Variants in SLX4 observed in about 807,000 individuals in gnomAD.
The protein encoded by SLX4 is structure-specific endonuclease subunit SLX4.
In SLX4, 112 loss-of-function variants were observed where a neutral mutation model predicts 146.2. The observed-to-expected ratio is 0.77, with a 90% CI of 0.66 to 0.90. SLX4 has a LOEUF of 0.90. Ranked by LOEUF, SLX4 falls within the 40% of genes least tolerant of loss-of-function variation. The pLI is 0.00. For missense variants in SLX4, 2,563 were observed against 2,392.7 expected (o/e 1.07, Z -1.49); for synonymous variants, 1,061 against 997.7 (o/e 1.06, Z -1.20).
intron 13 of SLX4, among the ~76,000 whole-genome samples, chr16:3,584,183 G>C (rs2040478649): frequency 6.6e-6 from 1 of 152,178 alleles, no homozygotes; most frequent in Non-Finnish European, 1.5e-5. Context: ...AGCATTTTGG[G>C]AAGCCGAGGC....
At chr16:3,584,709 C>A in intron 13 of SLX4, 60 bp downstream of exon 13, 1 of 1,331,734 alleles carries the variant, frequency 7.5e-7, no homozygotes, top group Non-Finnish European at 1.1e-6. Flanking sequence ...GTGTGTGAAA[C>A]CCAGTTACTT....
Position 3,582,459 on chromosome 16 carries a change from C to T in SLX4, c.5388G>A (p.Arg1796=), listed in dbSNP as rs201687045. The T allele has an allele frequency of 1.9e-6, 3 of 1,613,910 alleles. No homozygotes were observed. Among genetic ancestry groups the T allele is most frequent in the African/African-American group, 1.3e-5 (1 of 74,956 alleles). ...AGTGGGTGTCCAGGAAGTCCAACAG[C>T]CTGCGCGAGGACACACGGAGGCCGT... is the stretch of plus-strand genomic sequence containing the variant. ...RQNGLRVSSR[R]LLDFLDTHCI... The change falls in exon 15 of 15, where the codon AGG becomes AGA. Residue 1796 remains arginine, a synonymous_variant. Transcript: ENST00000294008.
At chr16:3,586,446 G>A (rs2040509450) in intron 12 of SLX4, among the ~76,000 whole-genome samples, 1 of 151,996 alleles carries the variant, frequency 6.6e-6, no homozygotes, top group Admixed American at 6.6e-5. Flanking sequence ...ACTTGAGCCT[G>A]GGAGGTCGAG....
Position 3,608,737 on chromosome 16 carries a change from T to G in SLX4, c.228A>C (p.Thr76=). 1 of 1,614,254 alleles carries G rather than the reference T, an allele frequency of 6.2e-7. No individual in the cohort carries two copies. The highest frequency in any genetic ancestry group is 8.5e-7 in the Non-Finnish European group (1 of 1,180,038). ...GAGTGCCGTTTGAGGCAGCCTTTTG[T>G]GTCTTCCTTTCTCCTGACACTTCCT... is the stretch of plus-strand genomic sequence containing the variant. ...GIKEVSGERK[T]QKAASNGTQI... The change falls in exon 2 of 15, where the codon ACA becomes ACC. Residue 76 remains threonine, a synonymous_variant. Coordinates refer to ENST00000294008, the MANE Select transcript of SLX4 (RefSeq NM_032444.4).
Position 3,609,017 on chromosome 16 carries a change from A to G in SLX4, c.-53T>C. 6.3e-7 allele frequency: 1 copy of G among 1,579,094 alleles called. No homozygotes were observed. Among genetic ancestry groups the G allele is most frequent in the Non-Finnish European group, 8.6e-7 (1 of 1,161,342 alleles). ...ATACTTGGAGAGTTTGCACAATTGA[A>G]CAAAAAGTACTGTTTTCCTCTCTAT... On this transcript the variant is annotated 5_prime_UTR_variant, in exon 2 of 15. Coordinates refer to ENST00000294008, the MANE Select transcript of SLX4 (RefSeq NM_032444.4).
intron 5 of SLX4, among the ~76,000 whole-genome samples, chr16:3,599,774 A>G (rs757597819): frequency 2.2e-4 from 33 of 151,916 alleles, no homozygotes; most frequent in Non-Finnish European, 4.4e-4. Context: ...TTTTGTAGTG[A>G]TGGGTCTTGC....
chr16:3,597,487 G>C lies in SLX4; in HGVS notation c.1575C>G (p.Arg525=). 1 of 1,614,096 alleles carries C rather than the reference G, an allele frequency of 6.2e-7. No homozygotes were observed. Among genetic ancestry groups the C allele is most frequent in the Non-Finnish European group, 8.5e-7 (1 of 1,180,028 alleles). The stretch of plus-strand genomic sequence containing the variant: ...TGCCCTCCCACAGAAAGCTCTGCTT[G>C]CGTTCAGGTGGAGGAGGACACTGGC... ...RAGQCPPPPE[R]KQSFLWEGSA... is the part of the protein sequence containing the mutation. Residue 525 remains arginine, a synonymous_variant, in exon 7 of 15, where the codon CGC becomes CGG. Coordinates refer to ENST00000294008, the MANE Select transcript of SLX4 (RefSeq NM_032444.4). The surrounding 1 kb of genome is among the most constrained non-coding windows in gnomAD (Gnocchi z 4.4).
rs189452123 is a variant in SLX4 at position 3,605,549 on chromosome 16, A to G, written c.760+925T>C. Reference sequence around the variant, plus strand: ...CATTGTAATTAAAACAACAACAACAAAAAAACCTTTTCTGAAAGGAAGAGT... The same window carrying G: ...CATTGTAATTAAAACAACAACAACAGAAAAACCTTTTCTGAAAGGAAGAGT... On this transcript the variant is annotated intron_variant, in intron 3 of 14. Coordinates refer to ENST00000294008, the MANE Select transcript of SLX4 (RefSeq NM_032444.4). Among the ~76,000 whole-genome samples the G allele has an allele frequency of 9.5e-4, 144 of 152,330 alleles. 1 individual carries two copies. In the Middle Eastern group the frequency reaches 0.017, roughly 18 times the overall value.
Position 3,608,922 on chromosome 16 carries a change from C to T in SLX4, c.43G>A (p.Gly15Ser). 1 of 1,614,010 alleles carries T rather than the reference C, an allele frequency of 6.2e-7. No homozygotes were observed. The highest frequency in any genetic ancestry group is 8.5e-7 in the Non-Finnish European group (1 of 1,179,990). Residue 15 changes from glycine (G) to serine (S), a missense_variant, in exon 2 of 15, where the codon GGT becomes AGT. Coordinates refer to ENST00000294008, the MANE Select transcript of SLX4 (RefSeq NM_032444.4). ...VNEAQLGFYL[G>S]SLSHLSACPG... The stretch of plus-strand genomic sequence containing the variant: ...CAGGCAGACAGATGAGAAAGTGAAC[C>T]CAAGTAGAAGCCTAGCTGAGCCTCA...
chr16:3,582,342 T>A lies in SLX4; in HGVS notation c.5505A>T (p.Ter1835CysextTer101). ...TTGGGGTGGGGTCGGGATGGCCCCA[T>A]CAGTTCCGCTCCACCTTCTTCTTGC... ...PRGKKKVERN[*>C] The change falls in exon 15 of 15, where the codon TGA becomes TGT. Residue 1835 changes from the stop codon to cysteine, a stop_lost. Coordinates refer to ENST00000294008, the MANE Select transcript of SLX4 (RefSeq NM_032444.4). 1 of 1,610,398 alleles carries A rather than the reference T, an allele frequency of 6.2e-7. No homozygotes were observed. The highest frequency in any genetic ancestry group is 1.7e-5 in the Admixed American group (1 of 60,028).
chr16:3,589,668 A>G lies in SLX4; in HGVS notation c.3970T>C (p.Cys1324Arg), dbSNP rs1381701258. Reference sequence around the variant, plus strand: ...GTTCCTGGAGAGACGGGAGTGAGGCATGAGGACGGTGTCTGGGGCGGTGGT... The same window carrying G: ...GTTCCTGGAGAGACGGGAGTGAGGCGTGAGGACGGTGTCTGGGGCGGTGGT... ...QTPPPQTPSSCLTPVSPGTSD... is the reference protein window; with the variant it reads ...QTPPPQTPSSRLTPVSPGTSD... The change falls in exon 12 of 15, where the codon TGC (cysteine) becomes CGC (arginine). Residue 1324 changes from cysteine to arginine, a missense_variant. Cys to Arg is a radical substitution (Grantham distance 180). Transcript: ENST00000294008. This position sits in a 1 kb window ranked among gnomAD's most constrained non-coding sequence, Gnocchi z 6.2. 1.2e-6 allele frequency: 2 copies of G among 1,614,012 alleles called. No individual in the cohort carries two copies. The highest frequency in any genetic ancestry group is 2.2e-5 in the East Asian group (1 of 44,886).
chr16:3,590,996 T>G lies in SLX4; in HGVS notation c.2642A>C (p.Glu881Ala). 1 of 1,613,516 alleles carries G rather than the reference T, an allele frequency of 6.2e-7. No homozygotes were observed. The part of the protein sequence containing the change: ...AGAGEDADWL[E>A]GGSPVSGQLL... ...TTGCCCAGAAACCGGACTGCCACCC[T>G]CCAGCCAGTCAGCGTCCTCGCCGGC... is the stretch of plus-strand genomic sequence containing the variant. Residue 881 changes from glutamate (E) to alanine (A), a missense_variant, in exon 12 of 15, where the codon GAG becomes GCG. Glu to Ala is a moderately radical substitution (Grantham distance 107, BLOSUM62 -1). Transcript: ENST00000294008. This position sits in a 1 kb window ranked among gnomAD's most constrained non-coding sequence, Gnocchi z 4.8.
Position 3,601,146 on chromosome 16 carries a change from C to G in SLX4, c.996G>C (p.Gln332His). ...TCCCACAAATCGGGCACTCAGGGATCTGAGGCACAGAAGGTCTTAGTGTCT... is the reference window on the plus strand; with the variant it reads ...TCCCACAAATCGGGCACTCAGGGATGTGAGGCACAGAAGGTCTTAGTGTCT... ...AEKTLRPSVP[Q>H]IPECPICGKP... The change falls in exon 5 of 15, where the codon CAG becomes CAC. Residue 332 changes from glutamine (Q) to histidine (H), a missense_variant. Physicochemically the swap from Gln to His is conservative, Grantham distance 24. Transcript: ENST00000294008. 1.2e-6 allele frequency: 2 copies of G among 1,614,106 alleles called. No individual in the cohort carries two copies. The highest frequency in any genetic ancestry group is 2.2e-5 in the South Asian group (2 of 91,078).
rs59622164 is a variant in SLX4, at chr16:3,598,074, G to A, written c.1164-75C>T. Reference sequence around the variant, plus strand: ...TTCTCAGGTTGGTCACACTGGTCTGGAGAGGGCTGGGCCTGAGAGAAAAGT... The same window carrying A: ...TTCTCAGGTTGGTCACACTGGTCTGAAGAGGGCTGGGCCTGAGAGAAAAGT... On this transcript the variant is annotated intron_variant, in intron 5 of 14. Transcript: ENST00000294008. The A allele has an allele frequency of 2.9e-4, 454 of 1,561,676 alleles. 3 individuals carry two copies. In the South Asian group the frequency reaches 4.7e-3, roughly 16 times the overall value.
rs1431088383 is a variant in SLX4 at position 3,609,365 on chromosome 16, G to C, written c.-401C>G. On this transcript the variant is annotated 5_prime_UTR_variant, in exon 2 of 15. Transcript: ENST00000294008. Reference sequence around the variant, plus strand: ...GGAGATTGCAGTGAGCCGAGATCGTGCCACTGCACTCTAACCTGGGCAACA... The same window carrying C: ...GGAGATTGCAGTGAGCCGAGATCGTCCCACTGCACTCTAACCTGGGCAACA... The C allele has an allele frequency of 9.6e-6, 2 of 207,492 alleles. No homozygotes were observed. Among genetic ancestry groups the C allele is most frequent in the Non-Finnish European group, 2.0e-5 (2 of 99,470 alleles). The allele number at this position is 207,492 out of a possible 1,614,324, so 12.9% of individuals were successfully genotyped here.
At position 3,594,491 on chromosome 16, in the gene SLX4, A is replaced by G. The variant is rs2040628842; in HGVS notation, c.2122T>C (p.Phe708Leu). The part of the protein sequence containing the change: ...DSGEVLYAHK[F>L]VLYARCPLLI... ...AGCGGGCATCGGGCATAAAGCACGA[A>G]CTTGTGGGCGTAAAGCACCTCCCCG... The change falls in exon 10 of 15, where the codon TTC becomes CTC. Residue 708 changes from phenylalanine (F) to leucine (L), a missense_variant. By Grantham distance (22) the Phe-to-Leu change is conservative. Transcript: ENST00000294008. The G allele has an allele frequency of 6.2e-7, 1 of 1,614,016 alleles. No homozygotes were observed. The highest frequency in any genetic ancestry group is 1.7e-5 in the Admixed American group (1 of 59,988).
At chr16:3,595,393 G>A (rs754815593) in intron 9 of SLX4, among the ~76,000 whole-genome samples, 10 of 152,234 alleles carry the variant, frequency 6.6e-5, no homozygotes, top group Non-Finnish European at 1.5e-4. Context: ...CAGAAGTCTC[G>A]TGGCAGAGCC....
chr16:3,587,656 C>T (rs988807770), intron 12 of SLX4, among the ~76,000 whole-genome samples: 28 of 151,898 alleles, frequency 1.8e-4, no homozygotes, highest in Non-Finnish European at 3.5e-4. Context: ...GTTCTCACAG[C>T]ACTGCCTGGG....
Position 3,599,179 on chromosome 16 carries a change from A to G in SLX4, c.1164-1180T>C, listed in dbSNP as rs1170679994. ...AGGCCTCAAGGCTTGCACCCCTGCC[A>G]TGCTAAATACAGATGCGCTCCTCCA... On this transcript the variant is annotated intron_variant, in intron 5 of 14. Transcript: ENST00000294008. Among the ~76,000 whole-genome samples the G allele has an allele frequency of 2.0e-5, 3 of 152,312 alleles. No homozygotes were observed. In the East Asian group the frequency reaches 5.8e-4, roughly 29 times the overall value.
Sources: allele counts gnomAD v4.1 joint callset (sites outside exome capture counted in the v4.1 genomes callset), GRCh38; gene constraint gnomAD v4.1.1; non-coding constraint Gnocchi (gnomAD v3.1); transcripts MANE v1.5; gene names NCBI Gene and HGNC (gene_info 2026-07-23, HGNC 2026-07-21).